Variants in TONSL observed in about 807,000 individuals in gnomAD.
The protein encoded by TONSL is tonsoku-like protein.
TONSL carries 112 observed loss-of-function variants against 147.1 expected under a neutral mutation model. That is an observed-to-expected ratio of 0.76 (90% confidence interval 0.65 to 0.89). The LOEUF (loss-of-function observed/expected upper bound fraction) is 0.89. TONSL is among the 40% of genes least tolerant of loss of function. The probability of loss-of-function intolerance (pLI) is 0.00; values close to 1 mark genes in which losing one functional copy is unlikely to be tolerated. For synonymous variants in TONSL, 868 were observed against 801.5 expected (o/e 1.08, Z -1.40); for missense variants, 1,883 against 1,864.6 (o/e 1.01, Z -0.18).
rs745525195 is a variant in TONSL at position 144,435,158 on chromosome 8, G to A, written c.2865C>T (p.His955=). 1.3e-5 allele frequency: 21 copies of A among 1,557,758 alleles called. No homozygotes were observed. The South Asian group carries it at 1.9e-4, about 14-fold the overall frequency. The change falls in exon 19 of 26, where the codon CAC becomes CAT. Residue 955 remains histidine (H), a synonymous_variant. Coordinates refer to ENST00000409379, the MANE Select transcript of TONSL (RefSeq NM_013432.5). ...CCTGCTCGGCCAGCCAGGCCACAGA[G>A]TGGGTGTCACTGCTGCAGGGACAGA... ...LIPVPHSSDT[H]SVAWLAEQAA...
chr8:144,438,598 G>A, intron 12 of TONSL, 38 bp from the exon 13 acceptor site: 1 of 1,612,432 alleles, frequency 6.2e-7, no homozygotes, highest in Non-Finnish European at 8.5e-7. Context: ...GCAGGGGCGT[G>A]AGGAGCTGGC....
At chr8:144,442,964 A>G (rs887729335) in intron 4 of TONSL, 158 bp from the exon 5 acceptor site, 5 of 1,231,792 alleles carry the variant, frequency 4.1e-6, no homozygotes, top group African/African-American at 1.5e-5. Flanking sequence ...GAGTGGATAA[A>G]GAGCTGACGA....
In TONSL at chr8:144,434,707, C is replaced by T. The variant is rs976351377; in HGVS notation, c.3085+104G>A. The T allele has an allele frequency of 2.1e-5, 28 of 1,349,268 alleles. No homozygotes were observed. In the Admixed American group the frequency reaches 2.4e-4, roughly 12 times the overall value. The allele number at this position is 1,349,268 out of a possible 1,614,324, so 83.6% of individuals were successfully genotyped here. ...CACCCACCAGGCTGGGGGAGGTGCA[C>T]CCCAAAACACCCGAGGCCCAGGAAT... On this transcript the variant is annotated intron_variant, in intron 20 of 25. Transcript: ENST00000409379.
At chr8:144,429,465 G>T (rs1554878163) in intron 25 of TONSL, 129 bp from the exon 26 acceptor site, 15 of 780,728 alleles carry the variant, frequency 1.9e-5, no homozygotes, top group Non-Finnish European at 2.7e-5. Context: ...GCAGTGGGCA[G>T]AGCTCCGGAG....
At position 144,442,658 on chromosome 8, in the gene TONSL, G is replaced by C; in HGVS notation, c.578+19C>G. 6.2e-7 allele frequency: 1 copy of C among 1,608,364 alleles called. No homozygotes were observed. Among genetic ancestry groups the C allele is most frequent in the Non-Finnish European group, 8.5e-7 (1 of 1,177,720 alleles). ...GAACAAGGGACTCCACTCCCTCCTG[G>C]GGCGGGGCAGGGCCTTACTCCGCAA... On this transcript the variant is annotated intron_variant, in intron 5 of 25. Transcript: ENST00000409379.
Position 144,434,148 on chromosome 8 carries a change from G to C in TONSL, c.3217C>G (p.Arg1073Gly). 6.2e-7 allele frequency: 1 copy of C among 1,611,276 alleles called. No individual in the cohort carries two copies. The highest frequency in any genetic ancestry group is 8.5e-7 in the Non-Finnish European group (1 of 1,179,082). Reference protein sequence around the residue: ...LRALKLHTALRELRLAGNRLG... With the variant: ...LRALKLHTALGELRLAGNRLG... ...CGGTTCCCTGCCAGGCGCAGCTCCC[G>C]GAGTGCTGTGTGCAGCTTGAGGGCC... The change falls in exon 21 of 26, where the codon CGG (arginine) becomes GGG (glycine). Residue 1073 changes from arginine (R) to glycine (G), a missense_variant. Physicochemically the swap from Arg to Gly is moderately radical, Grantham distance 125. Coordinates refer to ENST00000409379, the MANE Select transcript of TONSL (RefSeq NM_013432.5).
intron 4 of TONSL, 69 bp downstream of exon 4, chr8:144,443,069 G>A (rs541781044): frequency 1.0e-5 from 15 of 1,496,192 alleles, no homozygotes; most frequent in East Asian, 2.5e-5. Context: ...AGGAGGCTGC[G>A]GGGGTGCTGG....
At chr8:144,433,420 G>T in intron 22 of TONSL, 168 bp downstream of exon 22, 1 of 703,442 alleles carries the variant, frequency 1.4e-6, no homozygotes, top group Non-Finnish European at 2.4e-6. Flanking sequence ...ATGTGGGCCA[G>T]GCTTTCCTGG....
chr8:144,432,584 G>A (rs1251967492), intron 22 of TONSL, 124 bp from the exon 23 acceptor site: 4 of 999,944 alleles, frequency 4.0e-6, no homozygotes, highest in African/African-American at 1.7e-5. Context: ...GCAGGGTGGG[G>A]TGGCAAGTGC....
At position 144,443,247 on chromosome 8, in the gene TONSL, G is replaced by A. The variant is rs528184833; in HGVS notation, c.339C>T (p.Ile113=). ...HTELQRAWAT[I]GRTHLDIYDH... ...CATAGATGTCCAGGTGGGTGCGGCC[G>A]ATGGTGGCCCAGGCCCTCTGCAGCT... Residue 113 remains isoleucine, a synonymous_variant, in exon 4 of 26, where the codon ATC becomes ATT. Transcript: ENST00000409379. 16 of 1,550,824 alleles carry A rather than the reference G, an allele frequency of 1.0e-5. No homozygotes were observed. Among genetic ancestry groups the A allele is most frequent in the South Asian group, 5.9e-5 (5 of 84,068 alleles).
chr8:144,441,404 A>G lies in TONSL; in HGVS notation c.866-293T>C, dbSNP rs148546357. 192 of 330,824 alleles carry G rather than the reference A, an allele frequency of 5.8e-4. 2 individuals are homozygous for G. Among genetic ancestry groups the G allele is most frequent in the South Asian group, 4.0e-3 (87 of 21,970 alleles). The allele number at this position is 330,824 out of a possible 1,614,324, so 20.5% of individuals were successfully genotyped here. ...TCAGGAGATCGAGACCATCCTGGCTAACATGGTGAAACCTCGTCTCTACTA... is the reference window on the plus strand; with the variant it reads ...TCAGGAGATCGAGACCATCCTGGCTGACATGGTGAAACCTCGTCTCTACTA... On this transcript the variant is annotated intron_variant, in intron 7 of 25. Coordinates refer to ENST00000409379, the MANE Select transcript of TONSL (RefSeq NM_013432.5).
chr8:144,429,377 C>T (rs1554878131), intron 25 of TONSL, 41 bp from the exon 26 acceptor site: 3 of 1,357,412 alleles, frequency 2.2e-6, no homozygotes, highest in African/African-American at 1.5e-5. Context: ...CTGCGGGGGC[C>T]GGCGGCGTCC....
rs1205175804 is a variant in TONSL at position 144,436,429 on chromosome 8, G to C, written c.2015-11C>G. On this transcript the variant is annotated splice_polypyrimidine_tract_variant and intron_variant, in intron 16 of 25. Coordinates refer to ENST00000409379, the MANE Select transcript of TONSL (RefSeq NM_013432.5). ...GGGAGCTGTGGGGATCTGTGGGAGA[G>C]AGAATGCGTGTTGAGGCAGGGGCCC... The C allele has an allele frequency of 6.6e-7, 1 of 1,522,022 alleles. No homozygotes were observed. The highest frequency in any genetic ancestry group is 8.8e-7 in the Non-Finnish European group (1 of 1,139,568). The allele number at this position is 1,522,022 out of a possible 1,614,324, so 94.3% of individuals were successfully genotyped here. A position where few individuals can be genotyped will look rare whatever the true frequency, so the allele number is the denominator to read the frequency against.
chr8:144,443,083 G>A (rs1331484806), intron 4 of TONSL, 55 bp downstream of exon 4: 7 of 1,523,126 alleles, frequency 4.6e-6, no homozygotes, highest in African/African-American at 1.4e-5. Context: ...GTGCTGGGCT[G>A]CAGCCTCTTC....
At chr8:144,436,482 G>A (rs1823463701) in intron 16 of TONSL, 64 bp from the exon 17 acceptor site, 2 of 1,563,944 alleles carry the variant, frequency 1.3e-6, no homozygotes, top group African/African-American at 2.7e-5. Context: ...CTGTGATGGA[G>A]CATCTCCCGA....
At position 144,429,355 on chromosome 8, in the gene TONSL, C is replaced by T; in HGVS notation, c.3944-19G>A. On this transcript the variant is annotated intron_variant, in intron 25 of 25. Coordinates refer to ENST00000409379, the MANE Select transcript of TONSL (RefSeq NM_013432.5). ...GCGCAGCCTGCGGAGGGGAAGAGGG[C>T]AGACCTCAGCGCTGCGGGGGCCGGC... 1 of 1,402,120 alleles carries T rather than the reference C, an allele frequency of 7.1e-7. No individual in the cohort carries two copies. The highest frequency in any genetic ancestry group is 1.5e-5 in the African/African-American group (1 of 66,376). The allele number at this position is 1,402,120 out of a possible 1,614,324, so 86.9% of individuals were successfully genotyped here.
intron 13 of TONSL, 152 bp from the exon 14 acceptor site, chr8:144,437,251 G>A: frequency 4.1e-6 from 3 of 726,358 alleles, no homozygotes; most frequent in Non-Finnish European, 7.0e-6. Context: ...CGGCCTAGGT[G>A]TCACCAGTGA....
At chr8:144,442,917 G>A (rs566403949) in intron 4 of TONSL, 111 bp from the exon 5 acceptor site, 16 of 1,420,518 alleles carry the variant, frequency 1.1e-5, no homozygotes, top group Admixed American at 8.0e-5. Context: ...CCCTCCTCCC[G>A]AGGTGGGTGC....
At chr8:144,438,962 C>A (rs1823591801) in intron 11 of TONSL, among the ~76,000 whole-genome samples, 1 of 152,114 alleles carries the variant, frequency 6.6e-6, no homozygotes, top group African/African-American at 2.4e-5. Flanking sequence ...TCCCTCTGCC[C>A]ACTTGAGACA....
Sources: gnomAD v4.1 joint callset for allele counts (sites outside exome capture counted in the v4.1 genomes callset) on GRCh38, gnomAD v4.1.1 for gene constraint, MANE v1.5 for transcripts, NCBI Gene and HGNC (gene_info 2026-07-23, HGNC 2026-07-21) for gene names.